The following CBFB variants were observed in gnomAD, a reference collection of about 807,000 sequenced individuals.
CBFB encodes CBF-beta.
Under a neutral mutation model 30.4 loss-of-function variants are expected in CBFB, and 9 were observed. The observed-to-expected ratio is 0.30, with a 90% confidence interval of 0.18 to 0.52. The LOEUF (loss-of-function observed/expected upper bound fraction) is 0.52. CBFB is among the 20% of genes least tolerant of loss of function. CBFB has a pLI of 0.97. For missense variants in CBFB, 170 were observed against 244.0 expected, an observed-to-expected ratio of 0.70 and a Z score of 2.02; for synonymous variants, 94 against 84.0, an observed-to-expected ratio of 1.12 and a Z score of -0.65.
intron 3 of CBFB, among the ~76,000 whole-genome samples, chr16:67,055,955 A>G (rs926819535): frequency 6.6e-6 from 1 of 152,166 alleles, no homozygotes; most frequent in African/African-American, 2.4e-5. Flanking sequence ...GACAGGGTAC[A>G]TACTTCTTCA....
chr16:67,039,154 C>T (rs1320071251), intron 3 of CBFB, among the ~76,000 whole-genome samples: 2 of 152,106 alleles, frequency 1.3e-5, no homozygotes, highest in African/African-American at 4.8e-5. Context: ...ATGGTATAGC[C>T]TACTACACAC....
At chr16:67,064,751 C>A (rs1268164946) in intron 3 of CBFB, among the ~76,000 whole-genome samples, 1 of 151,822 alleles carries the variant, frequency 6.6e-6, no homozygotes, top group Admixed American at 6.6e-5. Flanking sequence ...ATGATGTATA[C>A]CTAAAGCAAT....
intron 2 of CBFB, among the ~76,000 whole-genome samples, chr16:67,030,761 G>C (rs754557118): frequency 6.6e-6 from 1 of 152,052 alleles, no homozygotes; most frequent in Non-Finnish European, 1.5e-5. Flanking sequence ...CACCACGCCC[G>C]GCTAATTTTT....
rs375523152 is a variant in CBFB at position 67,029,500 on chromosome 16, C to T, written c.78+15C>T. 2.2e-4 allele frequency: 353 copies of T among 1,579,450 alleles called. 1 individual carries two copies. Among genetic ancestry groups the T allele is most frequent in the South Asian group, 6.8e-4 (59 of 86,860 alleles). ...GCGAGTGTGAGGTGAGGCAGGCGGG[C>T]GGGCGGCTAGGAGGCCGCAGCGCGC... On this transcript the variant is annotated intron_variant, in intron 1 of 5. Transcript: ENST00000412916.
At chr16:67,073,161 A>G (rs1481117052) in intron 4 of CBFB, among the ~76,000 whole-genome samples, 3 of 152,238 alleles carry the variant, frequency 2.0e-5, no homozygotes, top group Non-Finnish European at 4.4e-5. Flanking sequence ...ATGCTGAAGT[A>G]TCTGGTAAAC....
intron 4 of CBFB, among the ~76,000 whole-genome samples, chr16:67,074,629 C>T (rs1961335490): frequency 6.6e-6 from 1 of 152,114 alleles, no homozygotes; most frequent in Non-Finnish European, 1.5e-5. Flanking sequence ...GATCCACCCG[C>T]TTCGGCCTCC....
At chr16:67,046,551 A>C (rs1417069085) in intron 3 of CBFB, among the ~76,000 whole-genome samples, 3 of 152,194 alleles carry the variant, frequency 2.0e-5, no homozygotes, top group Non-Finnish European at 2.9e-5. Context: ...GGTATAATTT[A>C]CATGTAGTAC....
chr16:67,087,334 T>G (rs927823993), intron 5 of CBFB, among the ~76,000 whole-genome samples: 2 of 152,172 alleles, frequency 1.3e-5, no homozygotes, highest in Non-Finnish European at 2.9e-5. Flanking sequence ...TGAGGGAGGA[T>G]TGCTTGAGCC....
At chr16:67,097,578 A>C (rs1197119228) in intron 5 of CBFB, among the ~76,000 whole-genome samples, 1 of 151,922 alleles carries the variant, frequency 6.6e-6, no homozygotes, top group African/African-American at 2.4e-5. Flanking sequence ...CTGGGAATAT[A>C]AGTGCACCCA....
chr16:67,059,143 A>G (rs1960815089), intron 3 of CBFB, among the ~76,000 whole-genome samples: 1 of 152,216 alleles, frequency 6.6e-6, no homozygotes, highest in South Asian at 2.1e-4. Context: ...AAAGGAAAAG[A>G]CAGGTAAGGA....
chr16:67,043,510 C>T (rs1045254787), intron 3 of CBFB, among the ~76,000 whole-genome samples: 7 of 152,116 alleles, frequency 4.6e-5, no homozygotes, highest in African/African-American at 1.7e-4. Context: ...TATAATCCTT[C>T]AAATATATTT....
At chr16:67,046,989 A>C (rs149156918) in intron 3 of CBFB, among the ~76,000 whole-genome samples, 2 of 152,132 alleles carry the variant, frequency 1.3e-5, no homozygotes, top group African/African-American at 4.8e-5. Flanking sequence ...CCTCAAATTG[A>C]TGTGTGTTTA....
At chr16:67,054,659 G>A (rs79176829) in intron 3 of CBFB, among the ~76,000 whole-genome samples, 7,386 of 152,092 alleles carry the variant, frequency 0.049, 528 homozygotes, top group African/African-American at 0.16. Context: ...TGTCTCTTTT[G>A]TCTTTTTGGT....
At chr16:67,072,542 C>T (rs1567617952) in intron 4 of CBFB, among the ~76,000 whole-genome samples, 1 of 151,968 alleles carries the variant, frequency 6.6e-6, no homozygotes, top group East Asian at 1.9e-4. Context: ...TCTGGGCTCA[C>T]CTCAACCTCC....
intron 4 of CBFB, among the ~76,000 whole-genome samples, chr16:67,076,147 T>C (rs1475466654): frequency 6.6e-6 from 1 of 152,080 alleles, no homozygotes; most frequent in South Asian, 2.1e-4. Context: ...GGAGAATCGC[T>C]TGGACCCGGG....
chr16:67,065,379 AT>A (rs1961024251), intron 3 of CBFB, among the ~76,000 whole-genome samples: 1 of 152,126 alleles, frequency 6.6e-6, no homozygotes, highest in African/African-American at 2.4e-5. Context: ...TAGGATACTT[AT>A]TTTCGATATT....
chr16:67,055,490 T>C (rs367703859), intron 3 of CBFB, among the ~76,000 whole-genome samples: 44 of 149,602 alleles, frequency 2.9e-4, no homozygotes, highest in Admixed American at 2.8e-3. Flanking sequence ...CTCAGCCTAC[T>C]GAGTAGGTGC....
intron 3 of CBFB, among the ~76,000 whole-genome samples, chr16:67,037,244 C>T (rs1232712973): frequency 6.6e-6 from 1 of 152,136 alleles, no homozygotes; most frequent in Non-Finnish European, 1.5e-5. Context: ...CACTCCATTC[C>T]TAATTTCATG....
At chr16:67,084,562 G>C (rs1961665231) in intron 5 of CBFB, among the ~76,000 whole-genome samples, 1 of 152,102 alleles carries the variant, frequency 6.6e-6, no homozygotes, top group Non-Finnish European at 1.5e-5. Flanking sequence ...AGTTCTAGTT[G>C]GTTGCACAAC....
Sources: allele counts gnomAD v4.1 joint callset (sites outside exome capture counted in the v4.1 genomes callset), GRCh38; gene constraint gnomAD v4.1.1; transcripts MANE v1.5; gene names NCBI Gene and HGNC (gene_info 2026-07-23, HGNC 2026-07-21).